Variants in KDM4C observed in about 807,000 individuals in gnomAD.
KDM4C encodes the protein lysine demethylase 4C.
In KDM4C, 81 loss-of-function variants were observed where a neutral mutation model predicts 129.3. That is an observed-to-expected ratio of 0.63 (90% CI 0.52 to 0.75). The LOEUF is 0.75. Among genes scored for constraint, KDM4C ranks in the 30% least tolerant of loss-of-function variants. The pLI is 0.00. For missense variants in KDM4C, 1,457 were observed against 1,304.0 expected (o/e 1.12, Z -1.81); for synonymous variants, 573 against 456.1 (o/e 1.26, Z -3.26).
chr9:6,954,123 G>A (rs1828652490), intron 8 of KDM4C, among the ~76,000 whole-genome samples: 2 of 152,106 alleles, frequency 1.3e-5, no homozygotes, highest in Admixed American at 1.3e-4. Context: ...TACATTCTCA[G>A]GTGAATTGTC....
At chr9:7,109,662 CTT>C (rs767031356) in intron 18 of KDM4C, among the ~76,000 whole-genome samples, 16 of 152,290 alleles carry the variant, frequency 1.1e-4, no homozygotes, top group African/African-American at 3.6e-4. Flanking sequence ...TTACTTGACT[CTT>C]TTAAACATCA....
intron 15 of KDM4C, among the ~76,000 whole-genome samples, chr9:7,020,517 T>C (rs2132248531): frequency 6.6e-6 from 1 of 152,326 alleles, no homozygotes; most frequent in Admixed American, 6.5e-5. Flanking sequence ...GAGCAATTTT[T>C]CCTCCTTTGT....
At chr9:6,769,987 C>G (rs1363329908) in intron 1 of KDM4C, among the ~76,000 whole-genome samples, 1 of 152,020 alleles carries the variant, frequency 6.6e-6, no homozygotes, top group African/African-American at 2.4e-5. Context: ...TTGAGACCAG[C>G]CTGGCCTACA....
chr9:7,010,314 A>T (rs1207076496), intron 12 of KDM4C, among the ~76,000 whole-genome samples: 2 of 152,244 alleles, frequency 1.3e-5, no homozygotes, highest in Non-Finnish European at 2.9e-5. Flanking sequence ...AATAATAACA[A>T]CAACAACCAT....
chr9:7,082,929 A>G (rs1209459939), intron 17 of KDM4C, among the ~76,000 whole-genome samples: 2 of 152,218 alleles, frequency 1.3e-5, no homozygotes, highest in Admixed American at 1.3e-4. Flanking sequence ...TTCTTTGTTT[A>G]CTATTGATAT....
At chr9:6,799,169 C>T (rs569458906) in intron 2 of KDM4C, among the ~76,000 whole-genome samples, 17 of 152,246 alleles carry the variant, frequency 1.1e-4, no homozygotes, top group South Asian at 2.1e-4. Context: ...GGGTGGCGGC[C>T]GGGCAGAGGC....
At chr9:7,096,894 G>A (rs191212286) in intron 17 of KDM4C, among the ~76,000 whole-genome samples, 5 of 152,220 alleles carry the variant, frequency 3.3e-5, no homozygotes, top group African/African-American at 1.2e-4. Flanking sequence ...ACTACTAAGC[G>A]ATCGTGAGTC....
intron 18 of KDM4C, among the ~76,000 whole-genome samples, chr9:7,118,091 C>T (rs769812579): frequency 1.3e-5 from 2 of 152,174 alleles, no homozygotes; most frequent in African/African-American, 2.4e-5. Context: ...CCACTACCTC[C>T]GAGGTGAGCT....
chr9:6,895,146 G>T (rs2130916608), intron 8 of KDM4C, among the ~76,000 whole-genome samples: 1 of 152,308 alleles, frequency 6.6e-6, no homozygotes. Flanking sequence ...TATATTAGTT[G>T]TCTCTTGCTG....
At chr9:6,784,195 G>A (rs1588238940) in intron 1 of KDM4C, among the ~76,000 whole-genome samples, 1 of 152,094 alleles carries the variant, frequency 6.6e-6, no homozygotes, top group African/African-American at 2.4e-5. Context: ...CCATTTTACT[G>A]ATGGGGAAGC....
Position 6,849,709 on chromosome 9 carries a change from C to A in KDM4C, c.629+9C>A. 3.2e-6 allele frequency: 5 copies of A among 1,538,952 alleles called. No homozygotes were observed. The highest frequency in any genetic ancestry group is 4.4e-6 in the Non-Finnish European group (5 of 1,133,468). ...GGAGAGCCCAAGTCTTGGCAAGTTA[C>A]TTGTTTAATATTCATTTACTTTGGA... is the stretch of plus-strand genomic sequence containing the variant. On this transcript the variant is annotated intron_variant, in intron 5 of 21. Coordinates refer to ENST00000381309, the MANE Select transcript of KDM4C (RefSeq NM_015061.6).
chr9:6,928,522 A>G (rs1041355821), intron 8 of KDM4C, among the ~76,000 whole-genome samples: 25 of 151,972 alleles, frequency 1.6e-4, no homozygotes, highest in Non-Finnish European at 8.8e-5. Flanking sequence ...GGTTTCACCA[A>G]GATTGTAGAG....
At chr9:6,827,120 T>G (rs972315575) in intron 4 of KDM4C, among the ~76,000 whole-genome samples, 8 of 152,200 alleles carry the variant, frequency 5.3e-5, no homozygotes, top group Non-Finnish European at 1.0e-4. Flanking sequence ...GCCATTCTTC[T>G]GCAGCTTCTT....
chr9:6,897,672 A>G (rs1816684047), intron 8 of KDM4C, among the ~76,000 whole-genome samples: 1 of 152,162 alleles, frequency 6.6e-6, no homozygotes, highest in South Asian at 2.1e-4. Flanking sequence ...GTGTGTACAA[A>G]GAAGAAAAAC....
intron 4 of KDM4C, among the ~76,000 whole-genome samples, chr9:6,823,789 G>C (rs1833424166): frequency 6.6e-6 from 1 of 152,206 alleles, no homozygotes; most frequent in Non-Finnish European, 1.5e-5. Context: ...CTATGTTGAA[G>C]AGATTGGGAC....
chr9:6,811,393 C>G (rs1037770036), intron 3 of KDM4C, among the ~76,000 whole-genome samples: 2 of 152,082 alleles, frequency 1.3e-5, no homozygotes, highest in African/African-American at 4.8e-5. Flanking sequence ...GACCTCTGAT[C>G]CGCCCACCTC....
At chr9:7,115,060 G>T (rs1013254619) in intron 18 of KDM4C, among the ~76,000 whole-genome samples, 1 of 151,902 alleles carries the variant, frequency 6.6e-6, no homozygotes, top group East Asian at 1.9e-4. Context: ...ATACAGCCTG[G>T]GTGACAGAGC....
intron 8 of KDM4C, among the ~76,000 whole-genome samples, chr9:6,897,683 A>G (rs1253551781): frequency 1.3e-5 from 2 of 152,158 alleles, no homozygotes; most frequent in East Asian, 1.9e-4. Flanking sequence ...GAAGAAAAAC[A>G]TATATATTGT....
chr9:7,089,726 C>T (rs539876456), intron 17 of KDM4C, among the ~76,000 whole-genome samples: 1 of 152,222 alleles, frequency 6.6e-6, no homozygotes, highest in African/African-American at 2.4e-5. Context: ...AAAAAAGTCA[C>T]TGCATGTAAT....
Sources: allele counts gnomAD v4.1 joint callset (sites outside exome capture counted in the v4.1 genomes callset), GRCh38; gene constraint gnomAD v4.1.1; transcripts MANE v1.5; gene names NCBI Gene and HGNC (gene_info 2026-07-23, HGNC 2026-07-21).